ZDHHC19: variants seen among roughly 807,000 people sequenced by gnomAD.
ZDHHC19 encodes the protein palmitoyltransferase ZDHHC19.
In ZDHHC19, 30 loss-of-function variants were observed where a neutral mutation model predicts 33.9. The ratio of observed to expected loss-of-function variants is 0.88; its 90% CI spans 0.66 to 1.20. ZDHHC19 has a LOEUF of 1.20. Ranked by LOEUF, ZDHHC19 falls within the 50% of genes most tolerant of loss-of-function variation. ZDHHC19 has a pLI of 0.00. For synonymous variants in ZDHHC19, 178 were observed against 167.6 expected (o/e 1.06, Z -0.48); for missense variants, 364 against 401.1 (o/e 0.91, Z 0.79).
intron 3 of ZDHHC19, 180 bp downstream of exon 3, chr3:196,209,196 A>G (rs1723016227): frequency 9.4e-6 from 8 of 849,194 alleles, no homozygotes; most frequent in Non-Finnish European, 1.2e-5. Flanking sequence ...CCAGCCTCCC[A>G]GGACAGGTGC....
At chr3:196,201,884 C>CA (rs1310045996) in intron 5 of ZDHHC19, among the ~76,000 whole-genome samples, 1 of 152,172 alleles carries the variant, frequency 6.6e-6, no homozygotes, top group African/African-American at 2.4e-5. Flanking sequence ...GTCTCCCACC[C>CA]AACCCCCCTC....
At position 196,210,645 on chromosome 3, in the gene ZDHHC19, T is replaced by G; in HGVS notation, c.239A>C (p.Asn80Thr). 6.2e-7 allele frequency: 1 copy of G among 1,613,896 alleles called. No individual in the cohort carries two copies. The highest frequency in any genetic ancestry group is 8.5e-7 in the Non-Finnish European group (1 of 1,179,936). Residue 80 changes from asparagine (N) to threonine (T), a missense_variant, in exon 2 of 8, where the codon AAC (asparagine) becomes ACC (threonine). Asn to Thr is a moderately conservative substitution (Grantham distance 65, BLOSUM62 0). Transcript: ENST00000296326. Reference protein sequence around the residue: ...VLTFFSLVSLNFSDPGILHQG... With the variant: ...VLTFFSLVSLTFSDPGILHQG... ...ATGTAAGATGCCAGGGTCTGAGAAG[T>G]TGAGTGAAACAAGACTGAAGAAGGT...
chr3:196,210,771 G>C, intron 1 of ZDHHC19, 34 bp from the exon 2 acceptor site: 18 of 1,606,372 alleles, frequency 1.1e-5, no homozygotes, highest in Non-Finnish European at 1.4e-5. Context: ...CCTGAGCAGG[G>C]GCAGCCCAAA....
At chr3:196,210,380 G>GA (rs1204336314) in intron 2 of ZDHHC19, among the ~76,000 whole-genome samples, 1 of 131,664 alleles carries the variant, frequency 7.6e-6, no homozygotes, top group African/African-American at 3.1e-5. Flanking sequence ...AGGAAAGAGA[G>GA]AGGAAGGAAG....
rs1344747863 is a variant in ZDHHC19, at chr3:196,203,114, A to T, written c.688-4240T>A. On this transcript the variant is annotated intron_variant, in intron 5 of 7. Transcript: ENST00000296326. This position sits in a 1 kb window ranked among gnomAD's most constrained non-coding sequence, Gnocchi z 4.3. ...GTCTCTACTAAAAATACAAAAAATCAGGTGGGCATGGTGACGTGCACCTGT... is the reference window on the plus strand; with the variant it reads ...GTCTCTACTAAAAATACAAAAAATCTGGTGGGCATGGTGACGTGCACCTGT... 6.6e-6 allele frequency among the ~76,000 whole-genome samples: 1 copy of T among 151,976 alleles called. No homozygotes were observed. Among genetic ancestry groups the T allele is most frequent in the African/African-American group, 2.4e-5 (1 of 41,362 alleles).
At position 196,206,617 on chromosome 3, in the gene ZDHHC19, C is replaced by T. The variant is rs1005450190; in HGVS notation, c.687+781G>A. On this transcript the variant is annotated intron_variant, in intron 5 of 7. Transcript: ENST00000296326. The stretch of plus-strand genomic sequence containing the variant: ...ATCCTCCTGCCTCAGCCTCCCAAAG[C>T]GCTAGAATTACAGGCATGAGCCACG... Among the ~76,000 whole-genome samples, 4 of 151,652 alleles carry T rather than the reference C, an allele frequency of 2.6e-5. No individual in the cohort carries two copies. In the South Asian group the frequency reaches 6.2e-4, roughly 24 times the overall value.
At chr3:196,204,828 C>T (rs1057197433) in intron 5 of ZDHHC19, among the ~76,000 whole-genome samples, 5 of 152,122 alleles carry the variant, frequency 3.3e-5, no homozygotes, top group South Asian at 2.1e-4. Context: ...ACATTCAGGC[C>T]GGACACAGTG....
chr3:196,208,789 T>C (rs1722988980), intron 3 of ZDHHC19: 4 of 548,218 alleles, frequency 7.3e-6, no homozygotes, highest in African/African-American at 3.8e-5. Context: ...AGAAGACCTT[T>C]AGAGAGAAGA....
intron 3 of ZDHHC19, 54 bp from the exon 4 acceptor site, chr3:196,208,614 C>G: frequency 6.3e-7 from 1 of 1,581,482 alleles, no homozygotes; most frequent in Non-Finnish European, 8.6e-7. Flanking sequence ...GGCCCAAATT[C>G]CATCACCCCA....
Position 196,198,378 on chromosome 3 carries a change from G to A in ZDHHC19, c.847C>T (p.Pro283Ser). 1 of 1,535,428 alleles carries A rather than the reference G, an allele frequency of 6.5e-7. No individual in the cohort carries two copies. Among genetic ancestry groups the A allele is most frequent in the Non-Finnish European group, 8.8e-7 (1 of 1,140,532 alleles). ...DWTSMPNLHP[P>S]MSPSALNPPA... ...GGGTTGAGAGCAGAGGGGGACATTGGAGGGTGCAGATTCGGCATGGATGTC... is the reference window on the plus strand; with the variant it reads ...GGGTTGAGAGCAGAGGGGGACATTGAAGGGTGCAGATTCGGCATGGATGTC... The change falls in exon 7 of 8, where the codon CCA becomes TCA. Residue 283 changes from proline (P) to serine (S), a missense_variant. By Grantham distance (74) the Pro-to-Ser change is moderately conservative (BLOSUM62 -1). Coordinates refer to ENST00000296326, the MANE Select transcript of ZDHHC19 (RefSeq NM_001039617.2).
Position 196,198,256 on chromosome 3 carries a change from C to T in ZDHHC19, c.*19+20G>A, listed in dbSNP as rs112752599. The T allele has an allele frequency of 2.6e-5, 38 of 1,483,456 alleles. 1 individual carries two copies. The highest frequency in any genetic ancestry group is 2.5e-4 in the African/African-American group (18 of 71,146). 91.9% of individuals were successfully genotyped at this position (1,483,456 alleles called of 1,614,324 possible). ...CCCTCCCGACACGCACAGACACCCA[C>T]GCACACACACGCTTCTTACCTCCTG... On this transcript the variant is annotated intron_variant, in intron 7 of 7. Coordinates refer to ENST00000296326, the MANE Select transcript of ZDHHC19 (RefSeq NM_001039617.2).
chr3:196,198,289 G>C lies in ZDHHC19; in HGVS notation c.*6C>G. The C allele has an allele frequency of 6.7e-7, 1 of 1,501,472 alleles. No homozygotes were observed. The highest frequency in any genetic ancestry group is 8.9e-7 in the Non-Finnish European group (1 of 1,126,176). 93.0% of individuals were successfully genotyped at this position (1,501,472 alleles called of 1,614,324 possible). On this transcript the variant is annotated 3_prime_UTR_variant, in exon 7 of 8. Transcript: ENST00000296326. ...CACGCTTCTTACCTCCTGGAGAGCT[G>C]CAGCCTCACCACGCCCCGGGGGTCC...
At chr3:196,200,480 A>G (rs369295319) in intron 5 of ZDHHC19, among the ~76,000 whole-genome samples, 55 of 146,572 alleles carry the variant, frequency 3.8e-4, no homozygotes, top group South Asian at 1.7e-3. Flanking sequence ...TCAGCCTCCC[A>G]AGTAGCTGGG....
intron 3 of ZDHHC19, chr3:196,209,026 A>C: frequency 3.2e-6 from 1 of 308,510 alleles, no homozygotes; most frequent in Non-Finnish European, 6.1e-6. Context: ...AGGACAGGCA[A>C]GGCCTCCCAG....
At position 196,198,355 on chromosome 3, in the gene ZDHHC19, G is replaced by A. The variant is rs563048022; in HGVS notation, c.870C>T (p.Asn290=). 2.6e-6 allele frequency: 4 copies of A among 1,522,604 alleles called. No individual in the cohort carries two copies. Among genetic ancestry groups the A allele is most frequent in the African/African-American group, 2.8e-5 (2 of 71,996 alleles). 94.3% of individuals were successfully genotyped at this position (1,522,604 alleles called of 1,614,324 possible). A position where few individuals can be genotyped will look rare whatever the true frequency, so the allele number is the denominator to read the frequency against. ...LHPPMSPSAL[N]PPAPTSGSLQ... ...GGGACCCAGAGGTTGGGGCTGGGGG[G>A]TTGAGAGCAGAGGGGGACATTGGAG... Residue 290 remains asparagine, a synonymous_variant, in exon 7 of 8, where the codon AAC becomes AAT. Transcript: ENST00000296326.
chr3:196,200,575 C>T (rs1057000616), intron 5 of ZDHHC19, among the ~76,000 whole-genome samples: 22 of 150,242 alleles, frequency 1.5e-4, no homozygotes, highest in South Asian at 1.0e-3. Context: ...AGGATGGTCT[C>T]GATCTCCTGA....
intron 7 of ZDHHC19, 36 bp downstream of exon 7, chr3:196,198,240 C>A: frequency 1.4e-6 from 2 of 1,450,568 alleles, no homozygotes; most frequent in Non-Finnish European, 1.8e-6. Flanking sequence ...CCCCTCCCGA[C>A]ACGCACAGAC....
chr3:196,206,679 CTTT>C (rs10578928), intron 5 of ZDHHC19, among the ~76,000 whole-genome samples: 11,770 of 112,702 alleles, frequency 0.1, 618 homozygotes, highest in Middle Eastern at 0.21. Context: ...CTTTTCTTTT[CTTT>C]TTTTTTTTTT....
rs977726639 is a variant in ZDHHC19, at chr3:196,209,609, G to A, written c.269-94C>T. The A allele has an allele frequency of 5.3e-6, 8 of 1,498,284 alleles. No individual in the cohort carries two copies. The Admixed American group carries it at 1.0e-4, about 19-fold the overall frequency. The allele number at this position is 1,498,284 out of a possible 1,614,324, so 92.8% of individuals were successfully genotyped here. Reference sequence around the variant, plus strand: ...GGCATCACAGGGCACAAGGAAGGGTGGGGACAAGGTGGGCAGGGGAACCCC... The same window carrying A: ...GGCATCACAGGGCACAAGGAAGGGTAGGGACAAGGTGGGCAGGGGAACCCC... On this transcript the variant is annotated intron_variant, in intron 2 of 7. Coordinates refer to ENST00000296326, the MANE Select transcript of ZDHHC19 (RefSeq NM_001039617.2).
Sources: gnomAD v4.1 joint callset for allele counts (sites outside exome capture counted in the v4.1 genomes callset) on GRCh38, gnomAD v4.1.1 for gene constraint, Gnocchi (gnomAD v3.1) non-coding constraint, MANE v1.5 for transcripts, NCBI Gene and HGNC (gene_info 2026-07-23, HGNC 2026-07-21) for gene names.